The following RYR3 variants were observed in gnomAD, a reference collection of about 807,000 sequenced individuals.
RYR3 encodes brain ryanodine receptor-calcium release channel.
A neutral mutation model predicts 584.3 loss-of-function variants in RYR3; 207 were observed. That is an observed-to-expected ratio of 0.35 (90% CI 0.32 to 0.40). The LOEUF (loss-of-function observed/expected upper bound fraction) is 0.40, where lower values mean the gene tolerates loss of function less well. Ranked by LOEUF, RYR3 falls within the 10% of genes least tolerant of loss-of-function variation. The pLI is 1.00. For synonymous variants in RYR3, 2,416 were observed against 2,248.5 expected (o/e 1.07, Z -2.11); for missense variants, 5,616 against 6,089.2 (o/e 0.92, Z 2.59).
chr15:33,789,658 A>ATTT lies in RYR3; in HGVS notation c.9830+1232_9830+1234dup, dbSNP rs869151934. ...TATATATATATATATATATATATAT[A>ATTT]TTTTTTTTTTTTTTTTTTTTTTTTT... On this transcript the variant is annotated intron_variant, in intron 67 of 103. Transcript: ENST00000634891. Among the ~76,000 whole-genome samples, 5 of 12,782 alleles carry ATTT rather than the reference A, an allele frequency of 3.9e-4. 1 individual carries two copies. Among genetic ancestry groups the ATTT allele is most frequent in the Non-Finnish European group, 3.9e-4 (3 of 7,768 alleles). 8.4% of individuals were successfully genotyped at this position (12,782 alleles called of 152,430 possible).
At chr15:33,454,292 A>T (rs957715432) in intron 1 of RYR3, among the ~76,000 whole-genome samples, 6 of 152,196 alleles carry the variant, frequency 3.9e-5, no homozygotes, top group Non-Finnish European at 8.8e-5. Context: ...TTGCTTGTAA[A>T]ACTGTTTAAA....
intron 1 of RYR3, among the ~76,000 whole-genome samples, chr15:33,439,185 C>A (rs911665124): frequency 2.0e-5 from 3 of 152,096 alleles, no homozygotes; most frequent in African/African-American, 7.2e-5. Flanking sequence ...GATCTTGGAA[C>A]TAGCCATCTT....
intron 3 of RYR3, among the ~76,000 whole-genome samples, chr15:33,518,922 C>T (rs1047390587): frequency 3.9e-5 from 6 of 152,268 alleles, no homozygotes; most frequent in South Asian, 2.1e-4. Context: ...AATGCTGAGG[C>T]GTACCCTTAA....
chr15:33,819,673 CAAAAATAAATAAATAA>C, intron 76 of RYR3, 67 bp from the exon 77 acceptor site: 2 of 518,570 alleles, frequency 3.9e-6, no homozygotes, highest in Non-Finnish European at 5.2e-6. Flanking sequence ...AACTCTGTCT[CAAAAATAAATAAATAA>C]ATAAATAAAT....
chr15:33,600,270 T>C (rs906783323), intron 16 of RYR3, among the ~76,000 whole-genome samples: 1 of 152,124 alleles, frequency 6.6e-6, no homozygotes, highest in Non-Finnish European at 1.5e-5. Context: ...CATGAACACC[T>C]TGAAGCTATC....
chr15:33,641,732 G>A (rs149206757), intron 27 of RYR3, among the ~76,000 whole-genome samples: 90 of 152,210 alleles, frequency 5.9e-4, no homozygotes, highest in Middle Eastern at 6.8e-3. Context: ...TTAGCCTCCC[G>A]GAGGTCCCCA....
At chr15:33,464,067 T>C (rs149130722) in intron 1 of RYR3, among the ~76,000 whole-genome samples, 9 of 152,252 alleles carry the variant, frequency 5.9e-5, no homozygotes, top group Non-Finnish European at 1.0e-4. Flanking sequence ...GTTTCAGGCA[T>C]TGAATATACA....
chr15:33,598,269 G>C (rs552537995), intron 16 of RYR3, among the ~76,000 whole-genome samples: 231 of 109,694 alleles, frequency 2.1e-3, no homozygotes, highest in Middle Eastern at 5.4e-3. Flanking sequence ...AAAAGACAAG[G>C]CCTTAGGAGA....
Position 33,837,690 on chromosome 15 carries a change from A to G in RYR3, c.11710A>G (p.Thr3904Ala). 1 of 1,607,548 alleles carries G rather than the reference A, an allele frequency of 6.2e-7. No homozygotes were observed. Among genetic ancestry groups the G allele is most frequent in the Non-Finnish European group, 8.5e-7 (1 of 1,176,532 alleles). ...QMVDTLVESS[T>A]NVEMILKFFD... is the part of the protein sequence containing the mutation. ...GGTTGACACACTGGTAGAATCATCTACCAATGTAGAAATGATCTTGAAATT... is the reference window on the plus strand; with the variant it reads ...GGTTGACACACTGGTAGAATCATCTGCCAATGTAGAAATGATCTTGAAATT... The change falls in exon 89 of 104, where the codon ACC becomes GCC. Residue 3904 changes from threonine (T) to alanine (A), a missense_variant. Transcript: ENST00000634891.
chr15:33,687,117 A>G (rs2065066520), intron 38 of RYR3, among the ~76,000 whole-genome samples: 1 of 152,228 alleles, frequency 6.6e-6, no homozygotes, highest in African/African-American at 2.4e-5. Flanking sequence ...GGAAAAGAGG[A>G]AGTCAAATTG....
chr15:33,409,419 C>G (rs947815108), intron 1 of RYR3, among the ~76,000 whole-genome samples: 2 of 152,004 alleles, frequency 1.3e-5, no homozygotes, highest in Non-Finnish European at 2.9e-5. Context: ...CTCTGCAGCT[C>G]TCTACTCTCT....
At chr15:33,805,880 G>A (rs540518232) in intron 69 of RYR3, among the ~76,000 whole-genome samples, 8 of 151,884 alleles carry the variant, frequency 5.3e-5, no homozygotes, top group East Asian at 1.9e-4. Context: ...ACACGGGAAC[G>A]CACACTCATC....
chr15:33,490,972 T>G (rs1265489391), intron 2 of RYR3, among the ~76,000 whole-genome samples: 1 of 152,174 alleles, frequency 6.6e-6, no homozygotes, highest in Admixed American at 6.5e-5. Context: ...GGTTCCCATC[T>G]TGAATGAACA....
In RYR3 at chr15:33,663,726, C is replaced by T. The variant is rs1043367167; in HGVS notation, c.5608C>T (p.Pro1870Ser). ...ARKTKEFRSP[P>S]QEQINMLLNF... is the part of the protein sequence containing the mutation. ...GAAGACCAAGGAGTTCCGCTCACCC[C>T]CACAGGAGCAGGTGAGGGTCCTTCC... Residue 1870 changes from proline (P) to serine (S), a missense_variant, in exon 36 of 104, where the codon CCA becomes TCA. Pro to Ser is a moderately conservative substitution (Grantham distance 74). Around this residue, in one of 9 missense-constraint regions of RYR3, gnomAD observed 1,280 missense variants for 1,426.2 expected, o/e 0.90. Coordinates refer to ENST00000634891, the MANE Select transcript of RYR3 (RefSeq NM_001036.6). The T allele has an allele frequency of 5.0e-6, 8 of 1,606,040 alleles. No individual in the cohort carries two copies. The highest frequency in any genetic ancestry group is 6.8e-6 in the Non-Finnish European group (8 of 1,176,980).
At chr15:33,557,069 G>A (rs1380355609) in intron 10 of RYR3, among the ~76,000 whole-genome samples, 2 of 152,164 alleles carry the variant, frequency 1.3e-5, no homozygotes, top group Non-Finnish European at 2.9e-5. Flanking sequence ...TAACCATTCA[G>A]ATATTCTGTT....
chr15:33,334,925 A>G (rs1288046506), intron 1 of RYR3, among the ~76,000 whole-genome samples: 2 of 152,256 alleles, frequency 1.3e-5, no homozygotes, highest in Admixed American at 6.5e-5. Flanking sequence ...ACATGAAAAA[A>G]TGCTCAACAT....
rs750336626 is a variant in RYR3 at position 33,636,483 on chromosome 15, G to T, written c.3489G>T (p.Leu1163=). ...ATGATGCTTCAATGATCTTCACACT[G>T]AATGGGGAGCTGCTGATCACCAACA... is the stretch of plus-strand genomic sequence containing the variant. ...NLDDASMIFT[L]NGELLITNKG... The change falls in exon 27 of 104, where the codon CTG becomes CTT. Residue 1163 remains leucine, a synonymous_variant. Transcript: ENST00000634891. The T allele has an allele frequency of 2.5e-6, 4 of 1,612,890 alleles. No homozygotes were observed. The highest frequency in any genetic ancestry group is 3.4e-6 in the Non-Finnish European group (4 of 1,179,512).
chr15:33,780,210 G>A lies in RYR3; in HGVS notation c.9138-1G>A, dbSNP rs1432956441. On this transcript the variant is annotated splice_acceptor_variant, in intron 64 of 103. Coordinates refer to ENST00000634891, the MANE Select transcript of RYR3 (RefSeq NM_001036.6). LOFTEE classifies it high-confidence loss of function. ...TTCTCAATGGACTTCTTTGTTTCCAGGCAACGCCCTGCCCTTGGAGAATGT... is the reference window on the plus strand; with the variant it reads ...TTCTCAATGGACTTCTTTGTTTCCAAGCAACGCCCTGCCCTTGGAGAATGT... The A allele has an allele frequency of 6.2e-7, 1 of 1,613,372 alleles. No homozygotes were observed. The highest frequency in any genetic ancestry group is 8.5e-7 in the Non-Finnish European group (1 of 1,179,520).
At chr15:33,463,244 T>G (rs1021670088) in intron 1 of RYR3, among the ~76,000 whole-genome samples, 3 of 152,148 alleles carry the variant, frequency 2.0e-5, no homozygotes, top group African/African-American at 7.2e-5. Context: ...TACTGACCCT[T>G]GCTACCTCTG....
Sources: allele counts gnomAD v4.1 joint callset (sites outside exome capture counted in the v4.1 genomes callset), GRCh38; gene constraint gnomAD v4.1.1; regional missense constraint gnomAD v4.1.1; transcripts MANE v1.5; gene names NCBI Gene and HGNC (gene_info 2026-07-23, HGNC 2026-07-21).